The following ZMAT2 variants were observed in gnomAD, a reference collection of about 807,000 sequenced individuals.
ZMAT2 encodes the protein zinc finger matrin-type protein 2.
Under a neutral mutation model 27.5 loss-of-function variants are expected in ZMAT2, and 5 were observed. The ratio of observed to expected loss-of-function variants is 0.18; its 90% CI spans 0.10 to 0.38. ZMAT2 has a LOEUF of 0.38. Ranked by LOEUF, ZMAT2 falls within the 10% of genes least tolerant of loss-of-function variation. The pLI, the probability that ZMAT2 is intolerant of heterozygous loss-of-function variation, is 1.00. For missense variants in ZMAT2, 124 were observed against 243.9 expected (o/e 0.51, Z 3.27); for synonymous variants, 76 against 78.6 (o/e 0.97, Z 0.17).
chr5:140,700,679 T>G, intron 1 of ZMAT2, 140 bp from the exon 2 acceptor site: 1 of 1,266,762 alleles, frequency 7.9e-7, no homozygotes, highest in Non-Finnish European at 1.1e-6. Flanking sequence ...GTCTTGAGGC[T>G]ACCTCAGTCT....
intron 4 of ZMAT2, 43 bp from the exon 5 acceptor site, chr5:140,704,383 A>G (rs1760014655): frequency 8.9e-6 from 14 of 1,572,678 alleles, no homozygotes; most frequent in Middle Eastern, 1.7e-4. Context: ...GGGGCTGAGG[A>G]TGTTGTAATG....
At chr5:140,704,700 C>T (rs143057168) in intron 5 of ZMAT2, 129 bp downstream of exon 5, 27 of 900,940 alleles carry the variant, frequency 3.0e-5, no homozygotes, top group Middle Eastern at 3.8e-4. Flanking sequence ...TGTATATTAG[C>T]GGAAACATTT....
intron 2 of ZMAT2, 45 bp downstream of exon 2, chr5:140,700,957 T>G (rs1759949536): frequency 6.3e-7 from 1 of 1,590,446 alleles, no homozygotes; most frequent in African/African-American, 1.4e-5. Flanking sequence ...ACAGAGGCGA[T>G]GCGATGATGG....
chr5:140,705,669 T>G lies in ZMAT2; in HGVS notation c.513T>G (p.Ala171=). Residue 171 remains alanine, a synonymous_variant, in exon 6 of 6, where the codon GCT becomes GCG. Coordinates refer to ENST00000274712, the MANE Select transcript of ZMAT2 (RefSeq NM_144723.3). The part of the protein sequence containing the change: ...KEKQKEKKRR[A]EEDLTFEEDD... ...AACAGAAGGAGAAGAAAAGGAGGGCTGAGGAGGACTTGACATTTGAGGAGG... is the reference window on the plus strand; with the variant it reads ...AACAGAAGGAGAAGAAAAGGAGGGCGGAGGAGGACTTGACATTTGAGGAGG... The G allele has an allele frequency of 6.2e-7, 1 of 1,614,058 alleles. No individual in the cohort carries two copies. Among genetic ancestry groups the G allele is most frequent in the Non-Finnish European group, 8.5e-7 (1 of 1,179,996 alleles).
Position 140,705,908 on chromosome 5 carries a change from C to A in ZMAT2, c.*152C>A. 9.7e-7 allele frequency: 1 copy of A among 1,032,346 alleles called. No individual in the cohort carries two copies. Among genetic ancestry groups the A allele is most frequent in the Non-Finnish European group, 1.4e-6 (1 of 735,740 alleles). 63.9% of individuals were successfully genotyped at this position (1,032,346 alleles called of 1,614,324 possible). A position where few individuals can be genotyped will look rare whatever the true frequency, so the allele number is the denominator to read the frequency against. On this transcript the variant is annotated 3_prime_UTR_variant, in exon 6 of 6. Transcript: ENST00000274712. ...GAGGGTGGGGGCTCATGGTTTCCCT[C>A]TACTTTGGGAGAGGGCACAGATTGC...
rs1760060490 is a variant in ZMAT2, at chr5:140,706,594, T to C, written c.*838T>C. 1 of 152,662 alleles carries C rather than the reference T, an allele frequency of 6.6e-6. No homozygotes were observed. The allele number at this position is 152,662 out of a possible 1,614,324, so 9.5% of individuals were successfully genotyped here. ...AAAACAAAAAATCCCCAAAACCTTA[T>C]TATGGGAGCCCGTCGGTCTTAGAAG... On this transcript the variant is annotated 3_prime_UTR_variant, in exon 6 of 6. Transcript: ENST00000274712.
intron 1 of ZMAT2, 75 bp from the exon 2 acceptor site, chr5:140,700,744 C>T: frequency 2.0e-6 from 3 of 1,531,300 alleles, no homozygotes. Context: ...ACACCTGGAC[C>T]GCGAGGGCGC....
chr5:140,703,312 G>T (rs1196873827), intron 3 of ZMAT2, among the ~76,000 whole-genome samples: 4 of 150,380 alleles, frequency 2.7e-5, no homozygotes, highest in African/African-American at 9.8e-5. Flanking sequence ...TATGATCTCG[G>T]CTCACCACAG....
intron 3 of ZMAT2, 135 bp from the exon 4 acceptor site, chr5:140,703,783 C>A: frequency 1.3e-6 from 1 of 775,598 alleles, no homozygotes; most frequent in Non-Finnish European, 2.2e-6. Context: ...TATACTCTCT[C>A]GAAAGCTAAG....
In ZMAT2 at chr5:140,705,790, C is replaced by G; in HGVS notation, c.*34C>G. ...GTGCTTGGCCTGACTTTGGCCTATG[C>G]TGGACCTAACTTTGCGTGTGTGTGT... On this transcript the variant is annotated 3_prime_UTR_variant, in exon 6 of 6. Coordinates refer to ENST00000274712, the MANE Select transcript of ZMAT2 (RefSeq NM_144723.3). 6.2e-7 allele frequency: 1 copy of G among 1,605,990 alleles called. No individual in the cohort carries two copies. Among genetic ancestry groups the G allele is most frequent in the Non-Finnish European group, 8.5e-7 (1 of 1,176,390 alleles).
intron 2 of ZMAT2, 84 bp downstream of exon 2, chr5:140,700,996 C>T: frequency 7.4e-7 from 1 of 1,353,812 alleles, no homozygotes; most frequent in Non-Finnish European, 1.0e-6. Context: ...AGTGCGCTGC[C>T]TTCCCACGCG....
At position 140,702,110 on chromosome 5, in the gene ZMAT2, C is replaced by T; in HGVS notation, c.217C>T (p.Pro73Ser). Residue 73 changes from proline to serine, a missense_variant, in exon 3 of 6, where the codon CCT (proline) becomes TCT (serine). By Grantham distance (74) the Pro-to-Ser change is moderately conservative (BLOSUM62 -1). Coordinates refer to ENST00000274712, the MANE Select transcript of ZMAT2 (RefSeq NM_144723.3). ...GKTIVITKTT[P>S]QSEMGGYYCN... is the part of the protein sequence containing the mutation. The stretch of plus-strand genomic sequence containing the variant: ...GACAATTGTCATTACCAAGACAACC[C>T]CTCAATCTGAGATGGGAGGGTGAGT... 1 of 1,612,964 alleles carries T rather than the reference C, an allele frequency of 6.2e-7. No homozygotes were observed. The highest frequency in any genetic ancestry group is 8.5e-7 in the Non-Finnish European group (1 of 1,179,538).
At chr5:140,702,220 GC>G in intron 3 of ZMAT2, 91 bp downstream of exon 3, 1 of 1,492,208 alleles carries the variant, frequency 6.7e-7, no homozygotes, top group Non-Finnish European at 9.1e-7. Flanking sequence ...AAGGTCCTTG[GC>G]CCCAGGATTA....
chr5:140,702,267 T>A, intron 3 of ZMAT2, 138 bp downstream of exon 3: 1 of 1,169,888 alleles, frequency 8.5e-7, no homozygotes, highest in Non-Finnish European at 1.2e-6. Context: ...TTTATATTTG[T>A]TTTTCTGTGT....
chr5:140,705,015 A>G (rs2149862368), intron 5 of ZMAT2, among the ~76,000 whole-genome samples: 1 of 152,272 alleles, frequency 6.6e-6, no homozygotes, highest in Non-Finnish European at 1.5e-5. Context: ...CACAAAGCCT[A>G]TTCTATAATA....
At chr5:140,700,533 C>A (rs1024092814) in intron 1 of ZMAT2, 55 bp downstream of exon 1, 3 of 1,611,258 alleles carry the variant, frequency 1.9e-6, no homozygotes, top group African/African-American at 2.7e-5. Flanking sequence ...GTTTTTCAGA[C>A]CTGAATAGAG....
At position 140,700,824 on chromosome 5, in the gene ZMAT2, A is replaced by G; in HGVS notation, c.24A>G (p.Lys8=). ...ACGCTTTTTCCTCCCCACAGACAAA[A>G]AACTTGGACTTTCGCCGAAAGTGGG... MASGSGT[K]NLDFRRKWDK... is the part of the protein sequence containing the mutation. The change falls in exon 2 of 6, where the codon AAA becomes AAG. Residue 8 remains lysine, a synonymous_variant. Transcript: ENST00000274712. 6.2e-7 allele frequency: 1 copy of G among 1,613,946 alleles called. No individual in the cohort carries two copies. The highest frequency in any genetic ancestry group is 8.5e-7 in the Non-Finnish European group (1 of 1,179,888).
intron 1 of ZMAT2, 59 bp from the exon 2 acceptor site, chr5:140,700,760 C>T: frequency 1.3e-6 from 2 of 1,585,698 alleles, no homozygotes; most frequent in Middle Eastern, 1.8e-4. Flanking sequence ...GGCGCGGTTC[C>T]CTGCTTCTCT....
In ZMAT2 at chr5:140,701,992, C is replaced by A; in HGVS notation, c.113-14C>A. 1.2e-6 allele frequency: 2 copies of A among 1,602,546 alleles called. No individual in the cohort carries two copies. The highest frequency in any genetic ancestry group is 1.7e-6 in the Non-Finnish European group (2 of 1,174,682). ...TATAATATTGAAGGGACTTCCTTCC[C>A]CATTATGTTTCAGGAAAACCAGTGC... On this transcript the variant is annotated splice_polypyrimidine_tract_variant and intron_variant, in intron 2 of 5. Coordinates refer to ENST00000274712, the MANE Select transcript of ZMAT2 (RefSeq NM_144723.3).
Sources: gnomAD v4.1 joint callset for allele counts (sites outside exome capture counted in the v4.1 genomes callset) on GRCh38, gnomAD v4.1.1 for gene constraint, MANE v1.5 for transcripts, NCBI Gene and HGNC (gene_info 2026-07-23, HGNC 2026-07-21) for gene names.